The following DNAH8 variants were observed in gnomAD, a reference collection of about 807,000 sequenced individuals.
DNAH8 encodes dynein axonemal heavy chain 8, also known as axonemal beta dynein heavy chain 8.
Under a neutral mutation model 562.1 loss-of-function variants are expected in DNAH8, and 382 were observed. That is an observed-to-expected ratio of 0.68 (90% CI 0.63 to 0.74). The LOEUF is 0.74. Among genes scored for constraint, DNAH8 ranks in the 30% least tolerant of loss-of-function variants. The pLI, the probability that DNAH8 is intolerant of heterozygous loss-of-function variation, is 0.00. For synonymous variants in DNAH8, 1,881 were observed against 1,919.4 expected (o/e 0.98, Z 0.52); for missense variants, 5,203 against 5,620.4 (o/e 0.93, Z 2.37).
chr6:38,973,568 C>A, intron 83 of DNAH8, 93 bp from the exon 84 acceptor site: 1 of 974,064 alleles, frequency 1.0e-6, no homozygotes. Flanking sequence ...ACAGAGTATT[C>A]ACATGGTTTT....
chr6:38,858,092 G>A (rs1266219493), intron 42 of DNAH8, among the ~76,000 whole-genome samples: 2 of 152,162 alleles, frequency 1.3e-5, no homozygotes, highest in African/African-American at 4.8e-5. Context: ...GCACTCTCAC[G>A]GCTGTTCGTC....
chr6:38,769,411 A>C (rs910279220), intron 11 of DNAH8, among the ~76,000 whole-genome samples: 2 of 152,192 alleles, frequency 1.3e-5, no homozygotes, highest in Admixed American at 1.3e-4. Flanking sequence ...AGTGAAAAAT[A>C]ATCAGAGACC....
At chr6:38,906,123 G>C in intron 62 of DNAH8, 131 bp from the exon 63 acceptor site, 1 of 458,764 alleles carries the variant, frequency 2.2e-6, no homozygotes, top group Non-Finnish European at 3.9e-6. Flanking sequence ...TGGTCAGGAT[G>C]GTCTCGATCT....
chr6:38,815,395 A>C, intron 25 of DNAH8, 73 bp from the exon 26 acceptor site: 79 of 1,180,666 alleles, frequency 6.7e-5, no homozygotes, highest in Non-Finnish European at 8.7e-5. Context: ...TCAGTGGGGA[A>C]TGGAGGTGGT....
At position 38,857,727 on chromosome 6, in the gene DNAH8, T is replaced by G. The variant is rs758036056; in HGVS notation, c.5943T>G (p.Asp1981Glu). 1.9e-6 allele frequency: 3 copies of G among 1,607,174 alleles called. No homozygotes were observed. The East Asian group carries it at 6.7e-5, about 36-fold the overall frequency. ...TTACCATCCATGTGCATCAGAGAGA[T>G]ATTTTTGATGACTTGGTAAGGTATC... is the stretch of plus-strand genomic sequence containing the variant. Reference protein sequence around the residue: ...TLITIHVHQRDIFDDLVKMHI... With the variant: ...TLITIHVHQREIFDDLVKMHI... Residue 1981 changes from aspartate to glutamate, a missense_variant, in exon 42 of 93, where the codon GAT (aspartate) becomes GAG (glutamate). Physicochemically the swap from Asp to Glu is conservative, Grantham distance 45. Coordinates refer to ENST00000327475, the MANE Select transcript of DNAH8 (RefSeq NM_001206927.2).
chr6:39,004,851 C>A (rs1051070196), intron 88 of DNAH8, among the ~76,000 whole-genome samples: 1 of 152,278 alleles, frequency 6.6e-6, no homozygotes, highest in Non-Finnish European at 1.5e-5. Context: ...CATGTTGTAG[C>A]GTATATTAAT....
At chr6:38,923,008 G>A in intron 71 of DNAH8, 50 bp from the exon 72 acceptor site, 1 of 1,580,648 alleles carries the variant, frequency 6.3e-7, no homozygotes, top group Non-Finnish European at 8.6e-7. Context: ...GGATGTTTGT[G>A]TTAAGCACTT....
intron 58 of DNAH8, among the ~76,000 whole-genome samples, chr6:38,892,460 A>G (rs1198845882): frequency 1.3e-5 from 2 of 152,166 alleles, no homozygotes; most frequent in Non-Finnish European, 1.5e-5. Context: ...TTCTTAGGTT[A>G]AAATTACTGG....
At chr6:38,790,010 GCT>G in intron 19 of DNAH8, 127 bp downstream of exon 19, 1 of 667,170 alleles carries the variant, frequency 1.5e-6, no homozygotes, top group Middle Eastern at 3.6e-4. Context: ...CAATTTTATA[GCT>G]CTGTTTTTTT....
chr6:38,898,157 T>C (rs1283996659), intron 60 of DNAH8, 101 bp from the exon 61 acceptor site: 2 of 1,035,946 alleles, frequency 1.9e-6, no homozygotes, highest in African/African-American at 1.7e-5. Context: ...TAAAAAAAGA[T>C]ATGTATATTT....
intron 23 of DNAH8, among the ~76,000 whole-genome samples, chr6:38,806,950 G>A (rs1348238204): frequency 6.6e-6 from 1 of 152,040 alleles, no homozygotes; most frequent in Admixed American, 6.6e-5. Flanking sequence ...GTCTCAGAGG[G>A]GCCGGGTTCT....
Position 38,842,426 on chromosome 6 carries a change from A to G in DNAH8, c.4525A>G (p.Ile1509Val), listed in dbSNP as rs761252547. 4.3e-6 allele frequency: 7 copies of G among 1,612,876 alleles called. No homozygotes were observed. Among genetic ancestry groups the G allele is most frequent in the Non-Finnish European group, 5.9e-6 (7 of 1,179,218 alleles). The change falls in exon 34 of 93, where the codon ATT (isoleucine) becomes GTT (valine). Residue 1509 changes from isoleucine to valine, a missense_variant. By Grantham distance (29) the Ile-to-Val change is conservative (BLOSUM62 3). Coordinates refer to ENST00000327475, the MANE Select transcript of DNAH8 (RefSeq NM_001206927.2). ...YGLYDTVMSS[I>V]SGYYEILWGD... ...ATTGTATGACACCGTAATGAGCAGTATTAGTGGTTATTATGAAATACTTTG... is the reference window on the plus strand; with the variant it reads ...ATTGTATGACACCGTAATGAGCAGTGTTAGTGGTTATTATGAAATACTTTG...
At chr6:38,988,338 G>A (rs1181578551) in intron 87 of DNAH8, among the ~76,000 whole-genome samples, 2 of 152,142 alleles carry the variant, frequency 1.3e-5, no homozygotes, top group African/African-American at 4.8e-5. Flanking sequence ...TGTGTATAAA[G>A]TGCTGGGAAA....
chr6:38,726,332 A>C (rs1763216129), intron 3 of DNAH8, among the ~76,000 whole-genome samples: 1 of 152,228 alleles, frequency 6.6e-6, no homozygotes, highest in South Asian at 2.1e-4. Flanking sequence ...CAGAACTGGT[A>C]GTCCAACTTT....
chr6:38,880,071 C>T (rs1238969882), intron 53 of DNAH8, among the ~76,000 whole-genome samples: 1 of 151,824 alleles, frequency 6.6e-6, no homozygotes, highest in Non-Finnish European at 1.5e-5. Context: ...GGTGAAACCC[C>T]GTATCTACTA....
intron 57 of DNAH8, among the ~76,000 whole-genome samples, chr6:38,889,277 G>A (rs1779173890): frequency 6.6e-6 from 1 of 151,890 alleles, no homozygotes; most frequent in African/African-American, 2.4e-5. Context: ...GCAAATCACA[G>A]GAAAAATATA....
intron 79 of DNAH8, among the ~76,000 whole-genome samples, chr6:38,944,386 T>C (rs936765966): frequency 9.2e-5 from 14 of 152,216 alleles, no homozygotes; most frequent in Non-Finnish European, 1.5e-4. Flanking sequence ...CTCAGGACGA[T>C]GCTAGATGGG....
intron 23 of DNAH8, 34 bp from the exon 24 acceptor site, chr6:38,807,576 G>T: frequency 8.0e-7 from 1 of 1,251,522 alleles, no homozygotes; most frequent in South Asian, 2.0e-5. Context: ...TTTTGGAGGA[G>T]AGATACCAAA....
At chr6:38,935,553 A>C (rs774919742) in intron 76 of DNAH8, 39 bp from the exon 77 acceptor site, 2 of 1,435,512 alleles carry the variant, frequency 1.4e-6, no homozygotes, top group South Asian at 2.4e-5. Context: ...ATAACTGGTA[A>C]TTATAGTTCC....
Sources: allele counts gnomAD v4.1 joint callset (sites outside exome capture counted in the v4.1 genomes callset), GRCh38; gene constraint gnomAD v4.1.1; transcripts MANE v1.5; gene names NCBI Gene and HGNC (gene_info 2026-07-23, HGNC 2026-07-21).